The following UBR2 variants were observed in gnomAD, a reference collection of about 807,000 sequenced individuals.
UBR2 encodes E3 ubiquitin-protein ligase UBR2.
A neutral mutation model predicts 247.9 loss-of-function variants in UBR2; 92 were observed. That is an observed-to-expected ratio of 0.37 (90% CI 0.31 to 0.44). The LOEUF is 0.44. Among genes scored for constraint, UBR2 ranks in the 20% least tolerant of loss-of-function variants. The pLI, the probability that UBR2 is intolerant of heterozygous loss-of-function variation, is 1.00. For synonymous variants in UBR2, 672 were observed against 693.5 expected, an observed-to-expected ratio of 0.97 and a Z score of 0.49; for missense variants, 1,613 against 2,112.6, an observed-to-expected ratio of 0.76 and a Z score of 4.64.
At chr6:42,580,187 C>T (rs1791788927) in intron 2 of UBR2, among the ~76,000 whole-genome samples, 1 of 151,996 alleles carries the variant, frequency 6.6e-6, no homozygotes, top group Non-Finnish European at 1.5e-5. Flanking sequence ...ATGGAATTTC[C>T]CTTGTCTACA....
chr6:42,668,283 A>G (rs1034526755), intron 34 of UBR2, among the ~76,000 whole-genome samples: 1 of 152,170 alleles, frequency 6.6e-6, no homozygotes, highest in Non-Finnish European at 1.5e-5. Flanking sequence ...GTATATTTTC[A>G]TGTTCGAAAA....
At chr6:42,642,367 C>A (rs913245414) in intron 17 of UBR2, 49 bp from the exon 18 acceptor site, 1 of 1,325,306 alleles carries the variant, frequency 7.5e-7, no homozygotes, top group Non-Finnish European at 1.1e-6. Context: ...TTAGAGAGAG[C>A]CTGAGCCAAT....
chr6:42,595,026 C>T (rs1433912631), intron 4 of UBR2, among the ~76,000 whole-genome samples: 1 of 152,006 alleles, frequency 6.6e-6, no homozygotes, highest in Non-Finnish European at 1.5e-5. Flanking sequence ...AATAATTGTA[C>T]ATATTTATGG....
intron 1 of UBR2, among the ~76,000 whole-genome samples, chr6:42,567,928 T>C (rs1478487502): frequency 6.6e-6 from 1 of 152,072 alleles, no homozygotes. Context: ...GAACTTGCAG[T>C]CCTAGCTACT....
Position 42,692,166 on chromosome 6 carries a change from G to A in UBR2, c.*993G>A, listed in dbSNP as rs1359974488. 1 of 151,868 alleles carries A rather than the reference G, an allele frequency of 6.6e-6. No individual in the cohort carries two copies. The highest frequency in any genetic ancestry group is 2.4e-5 in the African/African-American group (1 of 41,312). The allele number at this position is 151,868 out of a possible 1,614,324, so 9.4% of individuals were successfully genotyped here. ...AAAGAGTATCCTAATTTTCTTATCT[G>A]TATTCTTTTAGAATACCCTAATGTT... On this transcript the variant is annotated 3_prime_UTR_variant, in exon 47 of 47. Transcript: ENST00000372901.
chr6:42,592,949 C>T (rs967941286), intron 3 of UBR2, among the ~76,000 whole-genome samples: 2 of 149,704 alleles, frequency 1.3e-5, no homozygotes, highest in Non-Finnish European at 3.0e-5. Flanking sequence ...CCAAGGCAGG[C>T]GGATCACGAG....
intron 25 of UBR2, among the ~76,000 whole-genome samples, chr6:42,654,210 G>A (rs1205212928): frequency 1.3e-5 from 2 of 152,094 alleles, no homozygotes; most frequent in East Asian, 1.9e-4. Context: ...GAGCTGTGGT[G>A]TACTAGCTCA....
rs536688129 is a variant in UBR2, at chr6:42,659,544, CACACACACACACACACACT to C, written c.3243-96_3243-78del. 9.1e-3 allele frequency: 6,631 copies of C among 729,294 alleles called. 29 individuals are homozygous for C. The highest frequency in any genetic ancestry group is 0.012 in the African/African-American group (679 of 55,286). The allele number at this position is 729,294 out of a possible 1,614,324, so 45.2% of individuals were successfully genotyped here. On this transcript the variant is annotated intron_variant, in intron 29 of 46. Coordinates refer to ENST00000372901, the MANE Select transcript of UBR2 (RefSeq NM_001363705.2). The surrounding 1 kb of genome is among the most constrained non-coding windows in gnomAD (Gnocchi z 4.3). ...ATACACACACACACACACACACACA[CACACACACACACACACACT>C]ACACACACACACACATACCTGTAGT...
intron 2 of UBR2, among the ~76,000 whole-genome samples, chr6:42,578,470 G>A (rs1791661743): frequency 6.6e-6 from 1 of 152,112 alleles, no homozygotes; most frequent in African/African-American, 2.4e-5. Context: ...CTAGGATGTG[G>A]ATGAGCATTG....
rs114030992 is a variant in UBR2, at chr6:42,658,903, A to G, written c.3242+79A>G. On this transcript the variant is annotated intron_variant, in intron 29 of 46. Transcript: ENST00000372901. Reference sequence around the variant, plus strand: ...GGCAGTGTTGCGTTTTCTCCTTGTAAGTATACTTTTAATCCTAAAGTAATT... The same window carrying G: ...GGCAGTGTTGCGTTTTCTCCTTGTAGGTATACTTTTAATCCTAAAGTAATT... The G allele has an allele frequency of 1.3e-3, 1,802 of 1,382,918 alleles. 20 individuals are homozygous for G. In the African/African-American group the frequency reaches 0.021, roughly 16 times the overall value. The allele number at this position is 1,382,918 out of a possible 1,614,324, so 85.7% of individuals were successfully genotyped here.
chr6:42,570,681 T>TG (rs985124456), intron 1 of UBR2, among the ~76,000 whole-genome samples: 11 of 151,774 alleles, frequency 7.2e-5, no homozygotes, highest in South Asian at 4.2e-4. Flanking sequence ...TAGTTTTTTT[T>TG]TTGTTGTTTG....
At chr6:42,611,002 C>T (rs1441779143) in intron 7 of UBR2, among the ~76,000 whole-genome samples, 12 of 151,338 alleles carry the variant, frequency 7.9e-5, no homozygotes, top group African/African-American at 2.7e-4. Flanking sequence ...TGCTCCACCA[C>T]GCTCGGCTAA....
In UBR2 at chr6:42,676,873, G is replaced by T; in HGVS notation, c.4478G>T (p.Ser1493Ile). ...AAAACACTTCACCAGTATACGGGAA[G>T]GTGAGTTAGTTATCTTTACATAACG... ...LYKTLHQYTG[S>I]ALKEIPSGWH... Residue 1493 changes from serine to isoleucine, a missense_variant and splice_region_variant, in exon 40 of 47, where the codon AGT becomes ATT. By Grantham distance (142) the Ser-to-Ile change is moderately radical. Around this residue, in one of 3 missense-constraint regions of UBR2, gnomAD observed 1,524 missense variants for 1,967.3 expected, o/e 0.77. Transcript: ENST00000372901. The T allele has an allele frequency of 6.2e-7, 1 of 1,610,790 alleles. No homozygotes were observed. Among genetic ancestry groups the T allele is most frequent in the Non-Finnish European group, 8.5e-7 (1 of 1,177,184 alleles).
intron 40 of UBR2, among the ~76,000 whole-genome samples, chr6:42,677,968 G>A (rs1479382449): frequency 2.0e-5 from 3 of 152,160 alleles, no homozygotes; most frequent in Admixed American, 2.0e-4. Context: ...GCTGAGGTGG[G>A]AGGATTGCTG....
chr6:42,602,866 C>T (rs1371728402), intron 4 of UBR2, among the ~76,000 whole-genome samples: 4 of 151,724 alleles, frequency 2.6e-5, no homozygotes, highest in Admixed American at 6.6e-5. Context: ...AATAATGCTA[C>T]TTAGCCATTA....
intron 4 of UBR2, 34 bp downstream of exon 4, chr6:42,594,338 A>G (rs751590424): frequency 6.5e-7 from 1 of 1,539,678 alleles, no homozygotes; most frequent in African/African-American, 1.4e-5. Context: ...TTTTTAACCC[A>G]AGTTTGAAAT....
chr6:42,640,854 C>T (rs187218690), intron 16 of UBR2, among the ~76,000 whole-genome samples: 53 of 152,050 alleles, frequency 3.5e-4, no homozygotes, highest in Non-Finnish European at 6.3e-4. Flanking sequence ...CTCAGCCTCC[C>T]AAGAAGCTGG....
At chr6:42,570,522 T>A (rs1346251680) in intron 1 of UBR2, among the ~76,000 whole-genome samples, 1 of 151,990 alleles carries the variant, frequency 6.6e-6, no homozygotes, top group East Asian at 1.9e-4. Context: ...CGTGAGCCAC[T>A]GTGCCCAGGA....
intron 2 of UBR2, among the ~76,000 whole-genome samples, chr6:42,583,822 C>A (rs1792071881): frequency 6.6e-6 from 1 of 151,732 alleles, no homozygotes; most frequent in Non-Finnish European, 1.5e-5. Context: ...CCGCGCCCGG[C>A]CTCTCTCTCT....
Sources: gnomAD v4.1 joint callset for allele counts (sites outside exome capture counted in the v4.1 genomes callset) on GRCh38, gnomAD v4.1.1 for gene constraint, gnomAD v4.1.1 regional missense constraint, Gnocchi (gnomAD v3.1) non-coding constraint, MANE v1.5 for transcripts, NCBI Gene and HGNC (gene_info 2026-07-23, HGNC 2026-07-21) for gene names.